Variants in GRK5 observed in about 807,000 individuals in gnomAD.
GRK5 encodes the protein G protein-coupled receptor kinase 5.
Under a neutral mutation model 78.4 loss-of-function variants are expected in GRK5, and 40 were observed. The observed-to-expected ratio is 0.51, with a 90% CI of 0.40 to 0.66. The LOEUF (loss-of-function observed/expected upper bound fraction) is 0.66. Ranked by LOEUF, GRK5 falls within the 30% of genes least tolerant of loss-of-function variation. The probability of loss-of-function intolerance (pLI) is 0.00; values close to 1 mark genes in which losing one functional copy is unlikely to be tolerated. For missense variants in GRK5, 598 were observed against 759.9 expected (o/e 0.79, Z 2.50); for synonymous variants, 289 against 296.8 (o/e 0.97, Z 0.27).
intron 1 of GRK5, among the ~76,000 whole-genome samples, chr10:119,315,078 C>G (rs1288001346): frequency 6.6e-6 from 1 of 152,228 alleles, no homozygotes; most frequent in Non-Finnish European, 1.5e-5. Flanking sequence ...ACAGAAGCGG[C>G]TCTGCGCCCT....
In GRK5 at chr10:119,443,638, G is replaced by A. The variant is rs138476092; in HGVS notation, c.1152G>A (p.Pro384=). The A allele has an allele frequency of 5.8e-5, 94 of 1,613,454 alleles. No homozygotes were observed. The highest frequency in any genetic ancestry group is 7.0e-5 in the Non-Finnish European group (83 of 1,179,922). The change falls in exon 12 of 16, where the codon CCG becomes CCA. Residue 384 remains proline (P), a synonymous_variant. Transcript: ENST00000392870. ...LIYEMIEGQS[P]FRGRKEKVKR... ...ATGAGATGATCGAGGGCCAGTCGCC[G>A]TTCCGCGGCCGCAAGGAGAAGGTGA...
chr10:119,272,351 C>T (rs966880281), intron 1 of GRK5, among the ~76,000 whole-genome samples: 14 of 151,986 alleles, frequency 9.2e-5, no homozygotes, highest in African/African-American at 1.9e-4. Context: ...CTGAGGTGGG[C>T]GGATCACCTG....
chr10:119,209,370 A>G (rs887151938), intron 1 of GRK5, among the ~76,000 whole-genome samples: 1 of 152,146 alleles, frequency 6.6e-6, no homozygotes, highest in African/African-American at 2.4e-5. Context: ...AGCAGAGTTT[A>G]AAATATTCAG....
At chr10:119,342,943 G>A (rs1851008283) in intron 2 of GRK5, among the ~76,000 whole-genome samples, 1 of 152,140 alleles carries the variant, frequency 6.6e-6, no homozygotes, top group East Asian at 1.9e-4. Flanking sequence ...CAGGCAGGAG[G>A]GTCCTCAGCC....
rs1209397687 is a variant in GRK5, at chr10:119,394,769, G to GTC, written c.262-1925_262-1924insCT. 4.9e-3 allele frequency among the ~76,000 whole-genome samples: 656 copies of GTC among 133,470 alleles called. 35 individuals carry two copies. The highest frequency in any genetic ancestry group is 0.021 in the African/African-American group (622 of 29,726). The allele number at this position is 133,470 out of a possible 152,430, so 87.6% of individuals were successfully genotyped here. A position where few individuals can be genotyped will look rare whatever the true frequency, so the allele number is the denominator to read the frequency against. On this transcript the variant is annotated intron_variant, in intron 3 of 15. Transcript: ENST00000392870. ...TGTGTCTGTGTGTGGGTGTGTATCT[G>GTC]TGTGTGTGTGGGCACGTGTATGTTT...
intron 1 of GRK5, among the ~76,000 whole-genome samples, chr10:119,215,750 A>G (rs995366656): frequency 6.6e-6 from 1 of 152,184 alleles, no homozygotes; most frequent in Non-Finnish European, 1.5e-5. Context: ...AGTGCATGAT[A>G]TAGATACATA....
intron 1 of GRK5, among the ~76,000 whole-genome samples, chr10:119,275,587 G>GCTCT (rs143881383): frequency 0.085 from 11,059 of 130,236 alleles, 595 homozygotes; most frequent in East Asian, 0.14. Flanking sequence ...GCGTGTGCAC[G>GCTCT]CTCTCTCTCT....
chr10:119,368,197 C>T (rs562230303), intron 2 of GRK5, among the ~76,000 whole-genome samples: 71 of 152,354 alleles, frequency 4.7e-4, no homozygotes, highest in African/African-American at 1.7e-3. Flanking sequence ...TGAAGTCAAC[C>T]TGAAATGCAC....
At position 119,455,258 on chromosome 10, in the gene GRK5, G is replaced by A. The variant is rs1010128622; in HGVS notation, c.*191G>A. The A allele has an allele frequency of 1.0e-5, 7 of 702,300 alleles. No homozygotes were observed. Among genetic ancestry groups the A allele is most frequent in the East Asian group, 2.7e-5 (1 of 37,204 alleles). 43.5% of individuals were successfully genotyped at this position (702,300 alleles called of 1,614,324 possible). A position where few individuals can be genotyped will look rare whatever the true frequency, so the allele number is the denominator to read the frequency against. On this transcript the variant is annotated 3_prime_UTR_variant, in exon 16 of 16. Coordinates refer to ENST00000392870, the MANE Select transcript of GRK5 (RefSeq NM_005308.3). ...AAATTTCCACTCAGGTCTGTTTTCCGAGGCGGCCCCGGCCGGGGTGGATTG... is the reference window on the plus strand; with the variant it reads ...AAATTTCCACTCAGGTCTGTTTTCCAAGGCGGCCCCGGCCGGGGTGGATTG...
chr10:119,396,802 T>C, intron 4 of GRK5, 30 bp downstream of exon 4: 4 of 1,564,688 alleles, frequency 2.6e-6, no homozygotes, highest in Non-Finnish European at 3.5e-6. Context: ...CCACAGCAGG[T>C]GGCACAGGAG....
intron 1 of GRK5, among the ~76,000 whole-genome samples, chr10:119,312,670 C>A (rs777845919): frequency 3.9e-5 from 6 of 152,128 alleles, no homozygotes; most frequent in Non-Finnish European, 7.4e-5. Flanking sequence ...GTCAGGGAGG[C>A]AGTAGGGGCC....
chr10:119,350,635 C>T (rs144307483), intron 2 of GRK5, among the ~76,000 whole-genome samples: 3 of 152,316 alleles, frequency 2.0e-5, no homozygotes, highest in East Asian at 1.9e-4. Context: ...ATTTGTCCAG[C>T]GCAGAGAAGA....
chr10:119,380,742 G>A, intron 2 of GRK5, 73 bp from the exon 3 acceptor site: 2 of 878,390 alleles, frequency 2.3e-6, no homozygotes, highest in Non-Finnish European at 3.8e-6. Flanking sequence ...CTGAGCCCAG[G>A]TGTGGGAATG....
At position 119,445,063 on chromosome 10, in the gene GRK5, T is replaced by C. The variant is rs949060669; in HGVS notation, c.1266+1311T>C. On this transcript the variant is annotated intron_variant, in intron 12 of 15. Transcript: ENST00000392870. The surrounding 1 kb of genome is among the most constrained non-coding windows in gnomAD (Gnocchi z 4.1). ...ATCACAGAGCTGTGGGAAGAAGTCCTGTGTGTACAGCAGACCCACACTCTA... is the reference window on the plus strand; with the variant it reads ...ATCACAGAGCTGTGGGAAGAAGTCCCGTGTGTACAGCAGACCCACACTCTA... Among the ~76,000 whole-genome samples the C allele has an allele frequency of 5.9e-5, 9 of 152,092 alleles. No homozygotes were observed. The highest frequency in any genetic ancestry group is 1.7e-4 in the African/African-American group (7 of 41,390).
intron 1 of GRK5, among the ~76,000 whole-genome samples, chr10:119,318,371 C>T (rs1564889289): frequency 6.6e-6 from 1 of 152,200 alleles, no homozygotes; most frequent in Non-Finnish European, 1.5e-5. Flanking sequence ...TGCAAATTCC[C>T]TGACTCTGAG....
chr10:119,422,503 C>A (rs536711986), intron 4 of GRK5, among the ~76,000 whole-genome samples: 39 of 152,344 alleles, frequency 2.6e-4, no homozygotes, highest in African/African-American at 9.1e-4. Flanking sequence ...GCCACAGCTG[C>A]GAGTCACAGA....
intron 2 of GRK5, among the ~76,000 whole-genome samples, chr10:119,346,129 G>A (rs1262178679): frequency 6.6e-6 from 1 of 152,204 alleles, no homozygotes; most frequent in East Asian, 1.9e-4. Flanking sequence ...ACCTTTGTAA[G>A]CCTAACCCCT....
rs548954045 is a variant in GRK5 at position 119,418,834 on chromosome 10, C to T, written c.340-4332C>T. ...CGGACCCCTGGGGCAATTTTACCAA[C>T]GAGCACCACCAAGACCCCTTCCAAC... On this transcript the variant is annotated intron_variant, in intron 4 of 15. Coordinates refer to ENST00000392870, the MANE Select transcript of GRK5 (RefSeq NM_005308.3). Among the ~76,000 whole-genome samples, 28 of 152,320 alleles carry T rather than the reference C, an allele frequency of 1.8e-4. 2 individuals carry two copies. The highest frequency in any genetic ancestry group is 3.4e-3 in the Middle Eastern group (1 of 294).
chr10:119,209,514 T>TTC (rs1491490932), intron 1 of GRK5, among the ~76,000 whole-genome samples: 8 of 112,130 alleles, frequency 7.1e-5, no homozygotes, highest in African/African-American at 2.6e-4. Flanking sequence ...TTTTTTTTTT[T>TTC]CCTAACCTGA....
Sources: allele counts gnomAD v4.1 joint callset (sites outside exome capture counted in the v4.1 genomes callset), GRCh38; gene constraint gnomAD v4.1.1; non-coding constraint Gnocchi (gnomAD v3.1); transcripts MANE v1.5; gene names NCBI Gene and HGNC (gene_info 2026-07-23, HGNC 2026-07-21).